The following CYBRD1 variants were observed in gnomAD, a reference collection of about 807,000 sequenced individuals.
The protein encoded by CYBRD1 is cytochrome b reductase 1, also known as plasma membrane ascorbate-dependent reductase CYBRD1.
CYBRD1 carries 14 observed loss-of-function variants against 21.9 expected under a neutral mutation model. That is an observed-to-expected ratio of 0.64 (90% confidence interval 0.42 to 1.00). The LOEUF is 1.00. Among genes scored for constraint, CYBRD1 ranks in the 50% least tolerant of loss-of-function variants. CYBRD1 has a pLI of 0.00. For missense variants in CYBRD1, 328 were observed against 352.5 expected (o/e 0.93, Z 0.56); for synonymous variants, 146 against 136.5 (o/e 1.07, Z -0.48).
intron 2 of CYBRD1, among the ~76,000 whole-genome samples, chr2:171,546,072 T>C: frequency 6.6e-6 from 1 of 152,254 alleles, no homozygotes; most frequent in Non-Finnish European, 1.5e-5. Flanking sequence ...ACCGAGCTTC[T>C]CAGAAATATT....
chr2:171,534,103 CCTTT>C (rs1408934856), intron 1 of CYBRD1, among the ~76,000 whole-genome samples: 3 of 152,182 alleles, frequency 2.0e-5, no homozygotes, highest in Non-Finnish European at 4.4e-5. Context: ...TTCCTCCCTC[CCTTT>C]CTTTCTTTTT....
chr2:171,530,873 T>C (rs1697454626), intron 1 of CYBRD1, among the ~76,000 whole-genome samples: 1 of 152,192 alleles, frequency 6.6e-6, no homozygotes, highest in Non-Finnish European at 1.5e-5. Flanking sequence ...TAGAACATTC[T>C]TCCTTTTTAA....
intron 2 of CYBRD1, among the ~76,000 whole-genome samples, chr2:171,549,561 C>T (rs1697769231): frequency 6.6e-6 from 1 of 152,058 alleles, no homozygotes; most frequent in Non-Finnish European, 1.5e-5. Context: ...GCTGCTGCTA[C>T]AAATTAAATA....
chr2:171,530,380 G>T (rs1697447447), intron 1 of CYBRD1, among the ~76,000 whole-genome samples: 1 of 152,174 alleles, frequency 6.6e-6, no homozygotes. Flanking sequence ...ATTTTTCATT[G>T]TTTCTCTCAG....
intron 1 of CYBRD1, among the ~76,000 whole-genome samples, chr2:171,529,170 T>G (rs1345390504): frequency 6.6e-6 from 1 of 151,978 alleles, no homozygotes; most frequent in African/African-American, 2.4e-5. Flanking sequence ...ACAAAGTAAA[T>G]AGGTGAAGTA....
chr2:171,541,512 T>C, intron 1 of CYBRD1, 73 bp from the exon 2 acceptor site: 1 of 1,435,290 alleles, frequency 7.0e-7, no homozygotes, highest in Non-Finnish European at 9.8e-7. Context: ...GTGTCCAGTG[T>C]GTCAAACTGT....
chr2:171,548,399 CA>C (rs1351147595), intron 2 of CYBRD1, among the ~76,000 whole-genome samples: 1 of 151,982 alleles, frequency 6.6e-6, no homozygotes, highest in African/African-American at 2.4e-5. Context: ...TATGAATGGT[CA>C]AAAAGTTGGA....
intron 1 of CYBRD1, among the ~76,000 whole-genome samples, chr2:171,527,545 T>G (rs1697402902): frequency 6.6e-6 from 1 of 152,208 alleles, no homozygotes; most frequent in Non-Finnish European, 1.5e-5. Flanking sequence ...TCAGCCAGTT[T>G]AAAAGCACTG....
intron 1 of CYBRD1, among the ~76,000 whole-genome samples, chr2:171,534,972 C>G (rs1434773180): frequency 6.6e-6 from 1 of 152,126 alleles, no homozygotes; most frequent in Non-Finnish European, 1.5e-5. Context: ...GCCCAGGAGG[C>G]AGAAGTTGCA....
Position 171,555,073 on chromosome 2 carries a change from A to G in CYBRD1, c.*246A>G, listed in dbSNP as rs1683458754. 3.8e-6 allele frequency: 2 copies of G among 529,708 alleles called. No homozygotes were observed. Among genetic ancestry groups the G allele is most frequent in the African/African-American group, 1.9e-5 (1 of 52,324 alleles). The allele number at this position is 529,708 out of a possible 1,614,324, so 32.8% of individuals were successfully genotyped here. On this transcript the variant is annotated 3_prime_UTR_variant, in exon 4 of 4. Coordinates refer to ENST00000321348, the MANE Select transcript of CYBRD1 (RefSeq NM_024843.4). ...TTATGTTACCTTTATCTTGTTGAGG[A>G]CCACAACATTAGCACGGTGCCTTGT...
chr2:171,522,770 G>A lies in CYBRD1; in HGVS notation c.193+32G>A. The A allele has an allele frequency of 6.2e-7, 1 of 1,612,684 alleles. No individual in the cohort carries two copies. The highest frequency in any genetic ancestry group is 1.1e-5 in the South Asian group (1 of 90,570). ...GCACCTCCTGGGGGGGTGCGGGGAGGAAAGCGGGGAGAACGGCGGGGGCAG... is the reference window on the plus strand; with the variant it reads ...GCACCTCCTGGGGGGGTGCGGGGAGAAAAGCGGGGAGAACGGCGGGGGCAG... On this transcript the variant is annotated intron_variant, in intron 1 of 3. Transcript: ENST00000321348. This position sits in a 1 kb window ranked among gnomAD's most constrained non-coding sequence, Gnocchi z 4.3.
chr2:171,553,290 A>T, intron 2 of CYBRD1, 56 bp from the exon 3 acceptor site: 3 of 1,585,178 alleles, frequency 1.9e-6, no homozygotes, highest in Non-Finnish European at 2.6e-6. Context: ...TAAATAATTT[A>T]AAATTAGTTT....
intron 1 of CYBRD1, among the ~76,000 whole-genome samples, chr2:171,523,636 C>T (rs62181670): frequency 0.23 from 34,871 of 152,114 alleles, 4,441 homozygotes; most frequent in Middle Eastern, 0.35. Flanking sequence ...TGGCCCGCGG[C>T]GAGCCAGCCC....
At chr2:171,526,053 G>A (rs1470918518) in intron 1 of CYBRD1, among the ~76,000 whole-genome samples, 1 of 152,012 alleles carries the variant, frequency 6.6e-6, no homozygotes, top group Non-Finnish European at 1.5e-5. Flanking sequence ...GATCCCCTGA[G>A]GTCAGGAGTT....
intron 1 of CYBRD1, among the ~76,000 whole-genome samples, chr2:171,536,552 C>T (rs1483951720): frequency 6.6e-6 from 1 of 152,020 alleles, no homozygotes; most frequent in Non-Finnish European, 1.5e-5. Flanking sequence ...GTGACCCACC[C>T]GCCTTGGCCT....
At chr2:171,548,411 C>T (rs1404739390) in intron 2 of CYBRD1, among the ~76,000 whole-genome samples, 1 of 152,064 alleles carries the variant, frequency 6.6e-6, no homozygotes, top group African/African-American at 2.4e-5. Flanking sequence ...AAAAGTTGGA[C>T]ATTAACAGTA....
In CYBRD1 at chr2:171,544,581, A is replaced by T. The variant is rs183214615; in HGVS notation, c.402+2788A>T. Among the ~76,000 whole-genome samples, 317 of 152,342 alleles carry T rather than the reference A, an allele frequency of 2.1e-3. 1 individual carries two copies. The highest frequency in any genetic ancestry group is 3.5e-3 in the Non-Finnish European group (239 of 68,032). Reference sequence around the variant, plus strand: ...ATAGTTTTGTCTTTGATATTTAAGTACTTACTTCATCTGGAATTAATTTTA... The same window carrying T: ...ATAGTTTTGTCTTTGATATTTAAGTTCTTACTTCATCTGGAATTAATTTTA... On this transcript the variant is annotated intron_variant, in intron 2 of 3. Transcript: ENST00000321348.
At chr2:171,527,139 A>T (rs982204076) in intron 1 of CYBRD1, among the ~76,000 whole-genome samples, 10 of 152,214 alleles carry the variant, frequency 6.6e-5, no homozygotes, top group Admixed American at 5.9e-4. Context: ...AGCTTCAGGG[A>T]CACCATTGAT....
chr2:171,548,645 TAA>T (rs57266656), intron 2 of CYBRD1, among the ~76,000 whole-genome samples: 36 of 89,956 alleles, frequency 4.0e-4, no homozygotes, highest in East Asian at 1.1e-3. Context: ...ACCTGTACCC[TAA>T]AAAAAAAAAA....
Sources: gnomAD v4.1 joint callset for allele counts (sites outside exome capture counted in the v4.1 genomes callset) on GRCh38, gnomAD v4.1.1 for gene constraint, Gnocchi (gnomAD v3.1) non-coding constraint, MANE v1.5 for transcripts, NCBI Gene and HGNC (gene_info 2026-07-23, HGNC 2026-07-21) for gene names.